The following GRM7 variants were observed in gnomAD, a reference collection of about 807,000 sequenced individuals.
GRM7 encodes metabotropic glutamate receptor 7.
Under a neutral mutation model 84.5 loss-of-function variants are expected in GRM7, and 35 were observed. The ratio of observed to expected loss-of-function variants is 0.41; its 90% CI spans 0.32 to 0.55. The LOEUF (loss-of-function observed/expected upper bound fraction) is 0.55, where lower values mean the gene tolerates loss of function less well. Among genes scored for constraint, GRM7 ranks in the 20% least tolerant of loss-of-function variants. The pLI is 0.19. For synonymous variants in GRM7, 487 were observed against 455.1 expected, an observed-to-expected ratio of 1.07 and a Z score of -0.89; for missense variants, 1,003 against 1,194.6, an observed-to-expected ratio of 0.84 and a Z score of 2.36.
chr3:7,160,081 AT>A (rs1694577419), intron 2 of GRM7, among the ~76,000 whole-genome samples: 1 of 152,108 alleles, frequency 6.6e-6, no homozygotes, highest in African/African-American at 2.4e-5. Flanking sequence ...CAAACTTTAC[AT>A]TTTGGGAGTC....
At chr3:7,229,746 TATATATATATA>T (rs1559514617) in intron 2 of GRM7, among the ~76,000 whole-genome samples, 15 of 40,466 alleles carry the variant, frequency 3.7e-4, no homozygotes, top group African/African-American at 4.6e-4. Flanking sequence ...TATATATATA[TATATATATATA>T]TATTTTTTTT....
At chr3:7,716,721 G>A (rs1172810218) in intron 9 of GRM7, among the ~76,000 whole-genome samples, 1 of 152,170 alleles carries the variant, frequency 6.6e-6, no homozygotes, top group Non-Finnish European at 1.5e-5. Flanking sequence ...CTCTGTTACA[G>A]AAATTGACAT....
At chr3:6,938,828 G>A (rs774342535) in intron 1 of GRM7, among the ~76,000 whole-genome samples, 9 of 152,174 alleles carry the variant, frequency 5.9e-5, no homozygotes. Context: ...TCATGAAGTT[G>A]TGTCTTATCA....
chr3:7,015,871 A>T (rs1190190141), intron 1 of GRM7, among the ~76,000 whole-genome samples: 1 of 152,222 alleles, frequency 6.6e-6, no homozygotes, highest in African/African-American at 2.4e-5. Flanking sequence ...CTCAGAAGTC[A>T]TGCATGTTAC....
At chr3:7,467,327 T>C (rs1318195297) in intron 7 of GRM7, among the ~76,000 whole-genome samples, 1 of 152,178 alleles carries the variant, frequency 6.6e-6, no homozygotes, top group Non-Finnish European at 1.5e-5. Context: ...GACCTTGTAA[T>C]CAGTCCGCCT....
chr3:7,452,839 T>C lies in GRM7; in HGVS notation c.1375+32T>C, dbSNP rs553602809. On this transcript the variant is annotated intron_variant, in intron 6 of 9. Transcript: ENST00000357716. ...CTCCAAAAATCCATCCTTTTTGGAA[T>C]CCTAAGTGTTGGCATTCTGTTTCAT... 1.3e-4 allele frequency: 175 copies of C among 1,350,918 alleles called. 6 individuals are homozygous for C. The South Asian group carries it at 2.1e-3, about 16-fold the overall frequency. 83.7% of individuals were successfully genotyped at this position (1,350,918 alleles called of 1,614,324 possible). A position where few individuals can be genotyped will look rare whatever the true frequency, so the allele number is the denominator to read the frequency against.
At chr3:7,050,916 G>A (rs1012542496) in intron 1 of GRM7, among the ~76,000 whole-genome samples, 1 of 151,822 alleles carries the variant, frequency 6.6e-6, no homozygotes, top group Non-Finnish European at 1.5e-5. Flanking sequence ...CTTGAAATCA[G>A]AAGTCTACTT....
chr3:7,636,141 C>G (rs530068436), intron 8 of GRM7: 132 of 433,768 alleles, frequency 3.0e-4, no homozygotes, highest in African/African-American at 2.5e-3. Flanking sequence ...CATTTTGATG[C>G]ATGTTTATCT....
chr3:7,382,136 C>T (rs1694616941), intron 4 of GRM7, among the ~76,000 whole-genome samples: 1 of 152,090 alleles, frequency 6.6e-6, no homozygotes, highest in Admixed American at 6.5e-5. Flanking sequence ...AAAAAAAATT[C>T]TGCTTACCTT....
intron 8 of GRM7, among the ~76,000 whole-genome samples, chr3:7,590,468 A>G (rs1353878495): frequency 1.3e-5 from 2 of 152,148 alleles, no homozygotes; most frequent in Admixed American, 6.6e-5. Context: ...CAGAGATTAT[A>G]TGACCTGCAA....
intron 1 of GRM7, among the ~76,000 whole-genome samples, chr3:7,053,105 G>T (rs1412196983): frequency 6.7e-6 from 1 of 149,954 alleles, no homozygotes; most frequent in Non-Finnish European, 1.5e-5. Context: ...ATTCTAGTTG[G>T]AGTGTATTGA....
At chr3:7,081,456 A>G (rs1300322079) in intron 1 of GRM7, among the ~76,000 whole-genome samples, 1 of 152,066 alleles carries the variant, frequency 6.6e-6, no homozygotes, top group Non-Finnish European at 1.5e-5. Context: ...TGTTCTGACT[A>G]TTCCATTGAC....
At chr3:7,060,070 G>A (rs190210403) in intron 1 of GRM7, among the ~76,000 whole-genome samples, 1 of 151,912 alleles carries the variant, frequency 6.6e-6, no homozygotes, top group Admixed American at 6.6e-5. Context: ...GTACAGAGAA[G>A]CAGAGGTTTT....
intron 5 of GRM7, among the ~76,000 whole-genome samples, chr3:7,429,485 A>G (rs1412770320): frequency 6.6e-6 from 1 of 152,120 alleles, no homozygotes; most frequent in Non-Finnish European, 1.5e-5. Context: ...AAGGTTGAAT[A>G]TTTTTCCATA....
In GRM7 at chr3:7,329,037, C is replaced by G. The variant is rs374388179; in HGVS notation, c.1033+22385C>G. ...ATAAATAAAAGCAAATCTCAGCCCC[C>G]ACCCCCACCACCCCTTAGTTTAAAA... On this transcript the variant is annotated intron_variant, in intron 4 of 9. Transcript: ENST00000357716. 5.1e-4 allele frequency among the ~76,000 whole-genome samples: 77 copies of G among 152,110 alleles called. 4 individuals are homozygous for G. In the South Asian group the frequency reaches 0.012, roughly 24 times the overall value.
intron 2 of GRM7, among the ~76,000 whole-genome samples, chr3:7,198,713 A>G (rs368118845): frequency 1.3e-5 from 2 of 152,186 alleles, no homozygotes; most frequent in Admixed American, 6.5e-5. Flanking sequence ...ATGTACACAA[A>G]GTGAAAAACC....
chr3:7,608,397 A>T (rs1211894807), intron 8 of GRM7, among the ~76,000 whole-genome samples: 1 of 151,822 alleles, frequency 6.6e-6, no homozygotes, highest in Non-Finnish European at 1.5e-5. Flanking sequence ...TTATTTTTTG[A>T]CTTTTTTAAT....
At chr3:7,066,483 G>C (rs1697668960) in intron 1 of GRM7, among the ~76,000 whole-genome samples, 1 of 151,798 alleles carries the variant, frequency 6.6e-6, no homozygotes, top group Non-Finnish European at 1.5e-5. Context: ...GGAAGAATTA[G>C]ATACCCTGAA....
rs117286301 is a variant in GRM7 at position 7,124,010 on chromosome 3, C to T, written c.520-22442C>T. ...AGCCTGCCTTTATCTTGATCTAGTG[C>T]CTTTTTCTAGTCTAGAAATTTTATG... On this transcript the variant is annotated intron_variant, in intron 1 of 9. Transcript: ENST00000357716. 2.1e-3 allele frequency among the ~76,000 whole-genome samples: 314 copies of T among 152,234 alleles called. 6 individuals are homozygous for T. The highest frequency in any genetic ancestry group is 0.016 in the Admixed American group (249 of 15,290).
Sources: gnomAD v4.1 joint callset for allele counts (sites outside exome capture counted in the v4.1 genomes callset) on GRCh38, gnomAD v4.1.1 for gene constraint, MANE v1.5 for transcripts, NCBI Gene and HGNC (gene_info 2026-07-23, HGNC 2026-07-21) for gene names.